CIROZ: variants seen among roughly 807,000 people sequenced by gnomAD.
CIROZ encodes the protein ciliated left-right organizer ZP-N domains-containing protein.
the CIROZ span, chr1:10,957,609 C>T: frequency 1.2e-6 from 2 of 1,613,774 alleles, no homozygotes; most frequent in Non-Finnish European, 1.7e-6. Flanking sequence ...TGCTGCCCAC[C>T]ACTGACCTCC....
At chr1:10,948,150 G>C in the CIROZ span, 1 of 1,613,648 alleles carries the variant, frequency 6.2e-7, no homozygotes, top group Non-Finnish European at 8.5e-7. Context: ...GGCATCCCTC[G>C]CTGGCAGGAT....
the CIROZ span, chr1:10,955,114 G>A: frequency 1.2e-6 from 2 of 1,613,884 alleles, no homozygotes; most frequent in East Asian, 2.2e-5. Context: ...CTCAATGTAG[G>A]AACCTCTTTT....
At chr1:10,955,580 T>G in the CIROZ span, among the ~76,000 whole-genome samples, 1 of 151,922 alleles carries the variant, frequency 6.6e-6, no homozygotes, top group Non-Finnish European at 1.5e-5. Context: ...CAGTGGTCCA[T>G]GCCTGTAATC....
chr1:10,959,732 G>C, the CIROZ span, among the ~76,000 whole-genome samples: 1 of 152,204 alleles, frequency 6.6e-6, no homozygotes, highest in South Asian at 2.1e-4. The surrounding 1 kb of genome is among the most constrained non-coding windows in gnomAD (Gnocchi z 4.3). Flanking sequence ...AAAGGAGTGG[G>C]TGGGGCCAGG....
the CIROZ span, among the ~76,000 whole-genome samples, chr1:10,951,714 G>T: frequency 7.5e-6 from 1 of 133,348 alleles, no homozygotes; most frequent in African/African-American, 3.1e-5. Context: ...AATAGAACAA[G>T]ACCCTGTCTC....
the CIROZ span, chr1:10,957,167 T>A: frequency 7.2e-7 from 1 of 1,389,580 alleles, no homozygotes; most frequent in Non-Finnish European, 9.7e-7. Context: ...AGATGCAGAC[T>A]CCCTCCACAG....
At chr1:10,957,219 C>A in the CIROZ span, 1 of 806,512 alleles carries the variant, frequency 1.2e-6, no homozygotes, top group Non-Finnish European at 1.9e-6. Flanking sequence ...TGAACTAAAG[C>A]CCCAAGTGTT....
At chr1:10,952,965 C>T in the CIROZ span, among the ~76,000 whole-genome samples, 5 of 152,134 alleles carry the variant, frequency 3.3e-5, no homozygotes, top group Admixed American at 1.3e-4. Context: ...TTCTAGCCCT[C>T]GCTTTCCAAG....
chr1:10,953,369 TG>T, the CIROZ span, among the ~76,000 whole-genome samples: 1 of 152,258 alleles, frequency 6.6e-6, no homozygotes, highest in African/African-American at 2.4e-5. Flanking sequence ...TTGCTCCTGG[TG>T]GTTTTGCATG....
At chr1:10,961,527 C>G in the CIROZ span, among the ~76,000 whole-genome samples, 1 of 152,200 alleles carries the variant, frequency 6.6e-6, no homozygotes, top group African/African-American at 2.4e-5. Context: ...ACAGCACACT[C>G]ATTTTTGAAG....
the CIROZ span, among the ~76,000 whole-genome samples, chr1:10,978,614 G>T: frequency 6.6e-6 from 1 of 152,018 alleles, no homozygotes; most frequent in African/African-American, 2.4e-5. Context: ...GGAGGCTGAG[G>T]TGGGAGGATT....
the CIROZ span, among the ~76,000 whole-genome samples, chr1:10,974,275 T>C: frequency 6.6e-6 from 1 of 151,990 alleles, no homozygotes; most frequent in East Asian, 1.9e-4. The surrounding 1 kb of genome is among the most constrained non-coding windows in gnomAD (Gnocchi z 4.4). Context: ...TTGAGGTCCA[T>C]AAAAGCCCAG....
chr1:10,951,540 C>G, the CIROZ span, among the ~76,000 whole-genome samples: 1 of 148,260 alleles, frequency 6.7e-6, no homozygotes, highest in Non-Finnish European at 1.5e-5. Context: ...GAGTGAGACT[C>G]TGTCTCGGGG....
chr1:10,975,879 C>T, the CIROZ span, among the ~76,000 whole-genome samples: 13 of 129,532 alleles, frequency 1.0e-4, no homozygotes, highest in South Asian at 8.7e-4. Context: ...ACACGACACA[C>T]GCTCCCTGTG....
the CIROZ span, among the ~76,000 whole-genome samples, chr1:10,959,416 C>T: frequency 6.6e-6 from 1 of 152,182 alleles, no homozygotes; most frequent in African/African-American, 2.4e-5. The surrounding 1 kb of genome is among the most constrained non-coding windows in gnomAD (Gnocchi z 4.3). Context: ...AAGGTGATGG[C>T]GTGGGCAAGG....
At chr1:10,957,758 A>G in the CIROZ span, 1 of 1,611,586 alleles carries the variant, frequency 6.2e-7, no homozygotes, top group Non-Finnish European at 8.5e-7. Flanking sequence ...TGGAGTCTGG[A>G]GAAAGAGGAC....
At chr1:10,958,542 G>A in the CIROZ span, among the ~76,000 whole-genome samples, 1 of 152,292 alleles carries the variant, frequency 6.6e-6, no homozygotes, top group East Asian at 1.9e-4. Context: ...GCATCAGTGG[G>A]AGCTTCAAAC....
At chr1:10,978,539 T>C in the CIROZ span, among the ~76,000 whole-genome samples, 6 of 151,730 alleles carry the variant, frequency 4.0e-5, no homozygotes, top group African/African-American at 1.2e-4. Flanking sequence ...CAAGACTCGA[T>C]GTCTACAAAA....
At chr1:10,972,953 T>TA in the CIROZ span, among the ~76,000 whole-genome samples, 6,309 of 144,572 alleles carry the variant, frequency 0.044, 452 homozygotes, top group African/African-American at 0.15. Context: ...AAATTTAAAA[T>TA]AAAAAAAAAA....
Sources: gnomAD v4.1 joint callset for allele counts (sites outside exome capture counted in the v4.1 genomes callset) on GRCh38, gnomAD v4.1.1 for gene constraint, Gnocchi (gnomAD v3.1) non-coding constraint, MANE v1.5 for transcripts, NCBI Gene and HGNC (gene_info 2026-07-23, HGNC 2026-07-21) for gene names.